AGTPBP1: variants seen among roughly 807,000 people sequenced by gnomAD.
AGTPBP1 encodes cytosolic carboxypeptidase 1.
A neutral mutation model predicts 143.9 loss-of-function variants in AGTPBP1; 70 were observed. The ratio of observed to expected loss-of-function variants is 0.49; its 90% confidence interval spans 0.40 to 0.59. The LOEUF (loss-of-function observed/expected upper bound fraction) is 0.59. Among genes scored for constraint, AGTPBP1 ranks in the 20% least tolerant of loss-of-function variants. The probability of loss-of-function intolerance (pLI) is 0.00; values close to 1 mark genes in which losing one functional copy is unlikely to be tolerated. For missense variants in AGTPBP1, 1,229 were observed against 1,464.5 expected (o/e 0.84, Z 2.62); for synonymous variants, 463 against 500.2 (o/e 0.93, Z 0.99).
intron 1 of AGTPBP1, among the ~76,000 whole-genome samples, chr9:85,739,928 G>A (rs866023621): frequency 1.3e-5 from 2 of 151,692 alleles, no homozygotes; most frequent in Admixed American, 1.3e-4. Context: ...GCTTGAACCC[G>A]GTAGGGGCAG....
At chr9:85,651,570 T>C (rs909791034) in intron 11 of AGTPBP1, among the ~76,000 whole-genome samples, 1 of 152,190 alleles carries the variant, frequency 6.6e-6, no homozygotes, top group Non-Finnish European at 1.5e-5. Context: ...TACTCTTAGG[T>C]AACGTCTACA....
At chr9:85,569,795 A>G (rs1277329928) in intron 25 of AGTPBP1, among the ~76,000 whole-genome samples, 1 of 152,214 alleles carries the variant, frequency 6.6e-6, no homozygotes, top group Non-Finnish European at 1.5e-5. Flanking sequence ...GGCTACTATA[A>G]GCTTCTAAAT....
At chr9:85,581,584 C>T (rs1828264729) in intron 23 of AGTPBP1, among the ~76,000 whole-genome samples, 1 of 152,170 alleles carries the variant, frequency 6.6e-6, no homozygotes, top group African/African-American at 2.4e-5. Context: ...ATCAGGGATA[C>T]TCAGTCAACC....
chr9:85,679,345 A>C (rs1480575484), intron 4 of AGTPBP1, among the ~76,000 whole-genome samples: 1 of 152,122 alleles, frequency 6.6e-6, no homozygotes, highest in East Asian at 1.9e-4. Context: ...AACTGAGCAT[A>C]GCCTTTACAT....
At chr9:85,675,694 T>C (rs1587876662) in intron 6 of AGTPBP1, among the ~76,000 whole-genome samples, 1 of 152,170 alleles carries the variant, frequency 6.6e-6, no homozygotes, top group East Asian at 1.9e-4. Flanking sequence ...CTCATAAATT[T>C]TGGATCCTCA....
At chr9:85,579,247 C>G (rs1828087695) in intron 23 of AGTPBP1, 151 bp from the exon 24 acceptor site, 1 of 723,750 alleles carries the variant, frequency 1.4e-6, no homozygotes, top group Non-Finnish European at 2.1e-6. Flanking sequence ...AACAGCAAAA[C>G]AATCCTCTTA....
chr9:85,639,365 G>A (rs879271500), intron 13 of AGTPBP1, among the ~76,000 whole-genome samples: 2,212 of 105,412 alleles, frequency 0.021, 18 homozygotes, highest in Middle Eastern at 0.065. Flanking sequence ...GCGCGCGCAC[G>A]CGCACACACA....
intron 25 of AGTPBP1, among the ~76,000 whole-genome samples, chr9:85,553,076 T>C (rs1313200437): frequency 1.3e-5 from 2 of 152,110 alleles, no homozygotes; most frequent in Non-Finnish European, 2.9e-5. Context: ...AAATATAGCA[T>C]CTCCTAAAAA....
the AGTPBP1 span, chr9:85,786,306 AC>A: frequency 1.9e-6 from 3 of 1,601,752 alleles, no homozygotes; most frequent in Non-Finnish European, 1.7e-6. Flanking sequence ...GTTCTTTAGC[AC>A]CCCCCAGTGG....
intron 17 of AGTPBP1, among the ~76,000 whole-genome samples, chr9:85,616,412 T>C (rs1007368340): frequency 1.3e-5 from 2 of 152,046 alleles, no homozygotes; most frequent in Non-Finnish European, 2.9e-5. Context: ...GGTATAGGTT[T>C]TTTTAAGAAA....
At chr9:85,547,774 C>T (rs115397108) in intron 25 of AGTPBP1, among the ~76,000 whole-genome samples, 1,582 of 152,304 alleles carry the variant, frequency 0.01, 9 homozygotes, top group Middle Eastern at 0.02. Context: ...CATATACCCA[C>T]CCCACCAGTT....
chr9:85,795,321 T>C, the AGTPBP1 span, among the ~76,000 whole-genome samples: 1 of 152,214 alleles, frequency 6.6e-6, no homozygotes, highest in Non-Finnish European at 1.5e-5. Context: ...CTATATACTG[T>C]ATTTTAAAGA....
At chr9:85,709,921 A>G (rs116379767) in intron 2 of AGTPBP1, among the ~76,000 whole-genome samples, 1,644 of 152,252 alleles carry the variant, frequency 0.011, 29 homozygotes, top group African/African-American at 0.037. Flanking sequence ...AAATCTGCCA[A>G]TCTAATCTAT....
chr9:85,573,513 G>A (rs1464161646), intron 25 of AGTPBP1, among the ~76,000 whole-genome samples: 1 of 152,110 alleles, frequency 6.6e-6, no homozygotes, highest in Non-Finnish European at 1.5e-5. Flanking sequence ...TGCAGCCTCT[G>A]CCTGGCCGCC....
chr9:85,660,981 C>T lies in AGTPBP1; in HGVS notation c.663-8G>A. Reference sequence around the variant, plus strand: ...AGAGTGTCTAAAGCAACCCTGTCAACACAACAAGAAAACACAAACAACAAC... The same window carrying T: ...AGAGTGTCTAAAGCAACCCTGTCAATACAACAAGAAAACACAAACAACAAC... On this transcript the variant is annotated splice_polypyrimidine_tract_variant and splice_region_variant and intron_variant, in intron 8 of 25. Coordinates refer to ENST00000357081, the MANE Select transcript of AGTPBP1 (RefSeq NM_001330701.2). 1 of 1,591,432 alleles carries T rather than the reference C, an allele frequency of 6.3e-7. No individual in the cohort carries two copies. The highest frequency in any genetic ancestry group is 8.5e-7 in the Non-Finnish European group (1 of 1,171,288).
intron 25 of AGTPBP1, among the ~76,000 whole-genome samples, chr9:85,573,455 A>ATGT (rs1431036803): frequency 6.6e-6 from 1 of 152,042 alleles, no homozygotes; most frequent in Non-Finnish European, 1.5e-5. Context: ...GGCCCGCTAC[A>ATGT]ACCTCCACCT....
At chr9:85,728,431 CT>C (rs779888833) in intron 1 of AGTPBP1, among the ~76,000 whole-genome samples, 2 of 152,014 alleles carry the variant, frequency 1.3e-5, no homozygotes, top group Non-Finnish European at 2.9e-5. Flanking sequence ...TGATCTACCC[CT>C]AAAAAAGTTA....
chr9:85,600,791 C>A (rs746548079), intron 17 of AGTPBP1, among the ~76,000 whole-genome samples: 9 of 152,120 alleles, frequency 5.9e-5, no homozygotes, highest in Non-Finnish European at 1.0e-4. Context: ...GAGAACCCAG[C>A]CCCCACTCAA....
At chr9:85,613,718 A>G (rs1474018087) in intron 17 of AGTPBP1, among the ~76,000 whole-genome samples, 1 of 152,140 alleles carries the variant, frequency 6.6e-6, no homozygotes, top group African/African-American at 2.4e-5. Flanking sequence ...GCTCCAGAAC[A>G]TAGGGTGCAA....
Sources: gnomAD v4.1 joint callset for allele counts (sites outside exome capture counted in the v4.1 genomes callset) on GRCh38, gnomAD v4.1.1 for gene constraint, MANE v1.5 for transcripts, NCBI Gene and HGNC (gene_info 2026-07-23, HGNC 2026-07-21) for gene names.